The following SLAIN2 variants were observed in gnomAD, a reference collection of about 807,000 sequenced individuals.
SLAIN2 encodes the protein SLAIN family member 2.
Under a neutral mutation model 56.6 loss-of-function variants are expected in SLAIN2, and 31 were observed. The observed-to-expected ratio is 0.55, with a 90% CI of 0.41 to 0.74. The LOEUF (loss-of-function observed/expected upper bound fraction) is 0.74. Among genes scored for constraint, SLAIN2 ranks in the 30% least tolerant of loss-of-function variants. SLAIN2 has a pLI of 0.00. For synonymous variants in SLAIN2, 317 were observed against 284.9 expected (o/e 1.11, Z -1.13); for missense variants, 777 against 754.2 (o/e 1.03, Z -0.35).
Position 48,341,820 on chromosome 4 carries a change from G to C in SLAIN2, c.81G>C (p.Gln27His). 1 of 1,533,684 alleles carries C rather than the reference G, an allele frequency of 6.5e-7. No homozygotes were observed. The highest frequency in any genetic ancestry group is 8.8e-7 in the Non-Finnish European group (1 of 1,140,416). The change falls in exon 1 of 8, where the codon CAG (glutamine) becomes CAC (histidine). Residue 27 changes from glutamine to histidine, a missense_variant. Coordinates refer to ENST00000264313, the MANE Select transcript of SLAIN2 (RefSeq NM_020846.2). ...LQELVKKLEKQNEQLRSRSGA... is the reference protein window; with the variant it reads ...LQELVKKLEKHNEQLRSRSGA... ...AGCTGGTGAAGAAGCTGGAGAAGCA[G>C]AACGAACAGCTGAGGAGCCGCTCGG...
rs1715991259 is a variant in SLAIN2, at chr4:48,382,405, A to T, written c.863-163A>T. ...CTTCAGATGTGATTTATGCCTCCTT[A>T]TATGGACATATAAGCCTATATAAGT... is the stretch of plus-strand genomic sequence containing the variant. On this transcript the variant is annotated intron_variant, in intron 4 of 7. Coordinates refer to ENST00000264313, the MANE Select transcript of SLAIN2 (RefSeq NM_020846.2). Among the ~76,000 whole-genome samples, 3 of 152,170 alleles carry T rather than the reference A, an allele frequency of 2.0e-5. No homozygotes were observed. The South Asian group carries it at 6.2e-4, about 32-fold the overall frequency.
In SLAIN2 at chr4:48,424,486, A is replaced by AT. The variant is rs1367808946; in HGVS notation, c.*2410dup. 6.6e-6 allele frequency: 1 copy of AT among 152,202 alleles called. No homozygotes were observed. The highest frequency in any genetic ancestry group is 6.5e-5 in the Admixed American group (1 of 15,278). The allele number at this position is 152,202 out of a possible 1,614,324, so 9.4% of individuals were successfully genotyped here. A position where few individuals can be genotyped will look rare whatever the true frequency, so the allele number is the denominator to read the frequency against. The stretch of plus-strand genomic sequence containing the variant: ...GTCACTTATATGTAAGCAGAAAACA[A>AT]TGAGCTCTGCTTCCAAAGTTATTTA... On this transcript the variant is annotated 3_prime_UTR_variant, in exon 8 of 8. Coordinates refer to ENST00000264313, the MANE Select transcript of SLAIN2 (RefSeq NM_020846.2).
intron 1 of SLAIN2, among the ~76,000 whole-genome samples, chr4:48,358,361 C>G (rs943439577): frequency 2.6e-5 from 4 of 151,570 alleles, no homozygotes; most frequent in Non-Finnish European, 5.9e-5. Flanking sequence ...CTCTTGTTGC[C>G]CATGCTGGAG....
At chr4:48,363,982 C>T (rs1439941001) in intron 1 of SLAIN2, among the ~76,000 whole-genome samples, 2 of 128,412 alleles carry the variant, frequency 1.6e-5, no homozygotes, top group Admixed American at 1.5e-4. Flanking sequence ...GCTGACCCCC[C>T]CCACCTCCCT....
chr4:48,383,556 A>G, intron 5 of SLAIN2, 91 bp from the exon 6 acceptor site: 1 of 1,150,558 alleles, frequency 8.7e-7, no homozygotes, highest in Non-Finnish European at 1.2e-6. Context: ...AGAATGTTTG[A>G]TAAACAATTT....
intron 3 of SLAIN2, among the ~76,000 whole-genome samples, chr4:48,378,502 AAGCCAG>A (rs1715886345): frequency 6.6e-6 from 1 of 152,198 alleles, no homozygotes; most frequent in African/African-American, 2.4e-5. Context: ...TGATGTGGGA[AAGCCAG>A]ATTGCTATAA....
intron 1 of SLAIN2, among the ~76,000 whole-genome samples, chr4:48,354,449 C>T (rs1225250610): frequency 2.1e-5 from 3 of 144,376 alleles, no homozygotes; most frequent in Admixed American, 1.4e-4. Flanking sequence ...GAGAGATCCT[C>T]GTTAATTGTT....
chr4:48,380,749 A>G (rs1560457912), intron 4 of SLAIN2, among the ~76,000 whole-genome samples: 1 of 152,152 alleles, frequency 6.6e-6, no homozygotes, highest in Non-Finnish European at 1.5e-5. Context: ...CTTGAAATAC[A>G]TATGTTGACA....
intron 3 of SLAIN2, among the ~76,000 whole-genome samples, 157 bp downstream of exon 3, chr4:48,378,217 C>G (rs1472718007): frequency 1.3e-5 from 2 of 152,178 alleles, no homozygotes; most frequent in African/African-American, 4.8e-5. Flanking sequence ...GCACCAGGTA[C>G]TATATTAGGC....
Position 48,423,890 on chromosome 4 carries a change from G to C in SLAIN2, c.*1813G>C, listed in dbSNP as rs1055399130. The C allele has an allele frequency of 2.6e-5, 4 of 152,048 alleles. No individual in the cohort carries two copies. The highest frequency in any genetic ancestry group is 4.8e-5 in the African/African-American group (2 of 41,396). The allele number at this position is 152,048 out of a possible 1,614,324, so 9.4% of individuals were successfully genotyped here. ...AGATAAAGCATCTTCTTTTGGGAGG[G>C]GGGTATCTCATGTCTAAGTAAGTAA... On this transcript the variant is annotated 3_prime_UTR_variant, in exon 8 of 8. Coordinates refer to ENST00000264313, the MANE Select transcript of SLAIN2 (RefSeq NM_020846.2).
intron 1 of SLAIN2, among the ~76,000 whole-genome samples, chr4:48,361,853 T>C (rs1354907264): frequency 6.6e-6 from 1 of 152,222 alleles, no homozygotes; most frequent in Non-Finnish European, 1.5e-5. Flanking sequence ...CAGCAGTGTT[T>C]TGTAGTTTGC....
Position 48,426,136 on chromosome 4 carries a change from G to T in SLAIN2, c.*4059G>T, listed in dbSNP as rs186937013. On this transcript the variant is annotated 3_prime_UTR_variant, in exon 8 of 8. Transcript: ENST00000264313. ...ATGGTTATGACATGTTAAGTGGAAGGGTAGAAGGTCTTTTTTTTTTTAAGG... is the reference window on the plus strand; with the variant it reads ...ATGGTTATGACATGTTAAGTGGAAGTGTAGAAGGTCTTTTTTTTTTTAAGG... 1.3e-5 allele frequency: 2 copies of T among 151,830 alleles called. No homozygotes were observed. The highest frequency in any genetic ancestry group is 4.8e-5 in the African/African-American group (2 of 41,344). 9.4% of individuals were successfully genotyped at this position (151,830 alleles called of 1,614,324 possible). A position where few individuals can be genotyped will look rare whatever the true frequency, so the allele number is the denominator to read the frequency against.
intron 1 of SLAIN2, among the ~76,000 whole-genome samples, chr4:48,350,748 A>G (rs1270752856): frequency 6.6e-6 from 1 of 152,200 alleles, no homozygotes; most frequent in Non-Finnish European, 1.5e-5. Context: ...AAGGCTTTAA[A>G]CTAGGTCTTT....
intron 6 of SLAIN2, among the ~76,000 whole-genome samples, chr4:48,412,390 A>T (rs1716882056): frequency 1.4e-5 from 1 of 72,476 alleles, no homozygotes; most frequent in Non-Finnish European, 3.5e-5. Context: ...ACACACACAC[A>T]CACACACACA....
At chr4:48,385,777 T>A (rs1436824944) in intron 6 of SLAIN2, among the ~76,000 whole-genome samples, 1 of 151,630 alleles carries the variant, frequency 6.6e-6, no homozygotes, top group Non-Finnish European at 1.5e-5. Context: ...TGCACCACCA[T>A]GCCCAGCTAA....
At chr4:48,413,201 C>G (rs1056264289) in intron 6 of SLAIN2, among the ~76,000 whole-genome samples, 1 of 150,308 alleles carries the variant, frequency 6.7e-6, no homozygotes, top group Non-Finnish European at 1.5e-5. Context: ...GTTCTCCATC[C>G]TGGGTGATAG....
At chr4:48,364,861 C>T (rs1009213630) in intron 1 of SLAIN2, among the ~76,000 whole-genome samples, 15 of 71,176 alleles carry the variant, frequency 2.1e-4, no homozygotes, top group Admixed American at 6.1e-4. Flanking sequence ...CGTGGGGAGA[C>T]GGAGACGGGA....
At chr4:48,421,794 A>T (rs145538666) in intron 7 of SLAIN2, among the ~76,000 whole-genome samples, 1 of 151,586 alleles carries the variant, frequency 6.6e-6, no homozygotes, top group African/African-American at 2.4e-5. Flanking sequence ...TATGTTAACA[A>T]AATGGGAAGT....
chr4:48,388,645 C>T (rs1421133910), intron 6 of SLAIN2, among the ~76,000 whole-genome samples: 1 of 152,158 alleles, frequency 6.6e-6, no homozygotes, highest in Admixed American at 6.5e-5. Flanking sequence ...GGCCAGATTT[C>T]TCCCTCTTCC....
Sources: allele counts gnomAD v4.1 joint callset (sites outside exome capture counted in the v4.1 genomes callset), GRCh38; gene constraint gnomAD v4.1.1; transcripts MANE v1.5; gene names NCBI Gene and HGNC (gene_info 2026-07-23, HGNC 2026-07-21).